AFF1: variants seen among roughly 807,000 people sequenced by gnomAD.
The protein encoded by AFF1 is ALF transcription elongation factor 1, also known as AF4/FMR2 family member 1.
A neutral mutation model predicts 121.7 loss-of-function variants in AFF1; 48 were observed. That is an observed-to-expected ratio of 0.39 (90% confidence interval 0.31 to 0.50). AFF1 has a LOEUF of 0.50. Ranked by LOEUF, AFF1 falls within the 20% of genes least tolerant of loss-of-function variation. The probability of loss-of-function intolerance (pLI) is 0.76; values close to 1 mark genes in which losing one functional copy is unlikely to be tolerated. For missense variants in AFF1, 1,523 were observed against 1,511.7 expected, an observed-to-expected ratio of 1.01 and a Z score of -0.12; for synonymous variants, 613 against 563.0, an observed-to-expected ratio of 1.09 and a Z score of -1.26.
At chr4:87,114,326 C>T in intron 11 of AFF1, 41 bp from the exon 12 acceptor site, 1 of 1,513,886 alleles carries the variant, frequency 6.6e-7, no homozygotes, top group South Asian at 1.3e-5. Context: ...AATTTGTCAT[C>T]AATGGTCAGT....
At chr4:86,996,284 G>C (rs556659544) in intron 2 of AFF1, among the ~76,000 whole-genome samples, 3 of 152,088 alleles carry the variant, frequency 2.0e-5, no homozygotes, top group Admixed American at 6.5e-5. Flanking sequence ...GAATAGAAAG[G>C]GGGGAAAGGT....
chr4:87,027,098 A>G (rs1018933432), intron 2 of AFF1, among the ~76,000 whole-genome samples: 1 of 152,258 alleles, frequency 6.6e-6, no homozygotes, highest in Non-Finnish European at 1.5e-5. Context: ...TATATTTTAA[A>G]GAATGAATAC....
At chr4:86,965,148 T>G (rs1439840700) in intron 2 of AFF1, among the ~76,000 whole-genome samples, 2 of 152,258 alleles carry the variant, frequency 1.3e-5, no homozygotes, top group Non-Finnish European at 2.9e-5. Flanking sequence ...TCTGTAACTG[T>G]TAAGACAATT....
At position 87,015,050 on chromosome 4, in the gene AFF1, C is replaced by T. The variant is rs753894923; in HGVS notation, c.39-31116C>T. On this transcript the variant is annotated intron_variant, in intron 2 of 20. Coordinates refer to ENST00000395146, the MANE Select transcript of AFF1 (RefSeq NM_001166693.3). ...ATATTATGGTTTAAGAAAATTTTTCCTTAAAGGAAAACAGAACGTGTTATT... is the reference window on the plus strand; with the variant it reads ...ATATTATGGTTTAAGAAAATTTTTCTTTAAAGGAAAACAGAACGTGTTATT... Among the ~76,000 whole-genome samples, 11 of 152,154 alleles carry T rather than the reference C, an allele frequency of 7.2e-5. No individual in the cohort carries two copies. The East Asian group carries it at 2.1e-3, about 29-fold the overall frequency.
At chr4:86,976,178 A>G (rs192555382) in intron 2 of AFF1, among the ~76,000 whole-genome samples, 1 of 152,256 alleles carries the variant, frequency 6.6e-6, no homozygotes, top group East Asian at 1.9e-4. Context: ...GGTTGGCTGT[A>G]GGGCTTTCCA....
At chr4:87,027,087 G>A (rs1373509707) in intron 2 of AFF1, among the ~76,000 whole-genome samples, 1 of 152,202 alleles carries the variant, frequency 6.6e-6, no homozygotes, top group African/African-American at 2.4e-5. Flanking sequence ...GTAGAGAAAA[G>A]TATATTTTAA....
intron 1 of AFF1, among the ~76,000 whole-genome samples, chr4:86,947,436 C>T (rs1270165366): frequency 6.6e-6 from 1 of 152,134 alleles, no homozygotes; most frequent in Non-Finnish European, 1.5e-5. Flanking sequence ...GTGTTTCAAC[C>T]TCAGCCAAAG....
chr4:86,976,963 A>T (rs1331744551), intron 2 of AFF1, among the ~76,000 whole-genome samples: 1 of 152,244 alleles, frequency 6.6e-6, no homozygotes, highest in African/African-American at 2.4e-5. Context: ...AATTCTTGGA[A>T]CAATGTCTGG....
At chr4:87,009,883 CAATT>C (rs1726558930) in intron 2 of AFF1, among the ~76,000 whole-genome samples, 2 of 152,296 alleles carry the variant, frequency 1.3e-5, no homozygotes, top group South Asian at 4.1e-4. Flanking sequence ...GCTCTTGAGA[CAATT>C]AATTTAGACC....
At chr4:87,059,056 A>T (rs1267635962) in intron 4 of AFF1, among the ~76,000 whole-genome samples, 6 of 150,944 alleles carry the variant, frequency 4.0e-5, no homozygotes, top group Admixed American at 4.0e-4. Flanking sequence ...TGCTGTTCCC[A>T]CTCCTCCTCC....
At chr4:87,132,010 A>G (rs1728874788) in intron 18 of AFF1, 146 bp downstream of exon 18, 6 of 798,426 alleles carry the variant, frequency 7.5e-6, no homozygotes, top group Admixed American at 3.5e-5. Context: ...CCTCACTGAT[A>G]GTAATTCTTA....
chr4:87,014,421 C>G (rs550399614), intron 2 of AFF1, among the ~76,000 whole-genome samples: 1 of 152,288 alleles, frequency 6.6e-6, no homozygotes, highest in African/African-American at 2.4e-5. Context: ...TTAAGAAAAG[C>G]TTTGCCTAGG....
chr4:87,112,592 A>G (rs1435305119), intron 11 of AFF1, among the ~76,000 whole-genome samples: 1 of 152,216 alleles, frequency 6.6e-6, no homozygotes, highest in Non-Finnish European at 1.5e-5. Flanking sequence ...AAAAGCCTTT[A>G]TGTCATAGCC....
intron 4 of AFF1, among the ~76,000 whole-genome samples, chr4:87,081,308 T>C (rs1723155081): frequency 6.6e-6 from 1 of 151,730 alleles, no homozygotes; most frequent in Admixed American, 6.6e-5. Context: ...ACTACAGGCA[T>C]CCGCCACCAC....
intron 1 of AFF1, among the ~76,000 whole-genome samples, chr4:86,938,102 T>C (rs1400812935): frequency 6.6e-6 from 1 of 152,160 alleles, no homozygotes; most frequent in African/African-American, 2.4e-5. Context: ...CTCTAGACCA[T>C]TAACTAATTT....
intron 5 of AFF1, 47 bp downstream of exon 5, chr4:87,084,211 G>A: frequency 6.4e-7 from 1 of 1,573,288 alleles, no homozygotes; most frequent in African/African-American, 1.3e-5. Context: ...ATTTAAGTAG[G>A]TAGGCGTACA....
At chr4:87,126,760 G>A (rs1337312788) in intron 14 of AFF1, among the ~76,000 whole-genome samples, 1 of 152,028 alleles carries the variant, frequency 6.6e-6, no homozygotes, top group Non-Finnish European at 1.5e-5. Context: ...GGTGTGTTTG[G>A]ATTGACTAAG....
chr4:87,054,833 G>A (rs73837575), intron 4 of AFF1, among the ~76,000 whole-genome samples: 9,270 of 152,262 alleles, frequency 0.061, 590 homozygotes, highest in African/African-American at 0.15. Flanking sequence ...CAGCCTGAGG[G>A]CTAGGTTGGG....
At chr4:86,997,215 A>G (rs975799540) in intron 2 of AFF1, among the ~76,000 whole-genome samples, 12 of 152,206 alleles carry the variant, frequency 7.9e-5, no homozygotes, top group African/African-American at 2.9e-4. Context: ...CTTGGCCTGA[A>G]CTGGTGGCTT....
Sources: gnomAD v4.1 joint callset for allele counts (sites outside exome capture counted in the v4.1 genomes callset) on GRCh38, gnomAD v4.1.1 for gene constraint, MANE v1.5 for transcripts, NCBI Gene and HGNC (gene_info 2026-07-23, HGNC 2026-07-21) for gene names.